SP110: variants seen among roughly 807,000 people sequenced by gnomAD.
SP110 encodes the protein interferon-induced protein 41, 30kD.
Under a neutral mutation model 92.7 loss-of-function variants are expected in SP110, and 62 were observed. The ratio of observed to expected loss-of-function variants is 0.67; its 90% CI spans 0.55 to 0.83. SP110 has a LOEUF of 0.83. Among genes scored for constraint, SP110 ranks in the 40% least tolerant of loss-of-function variants. The pLI, the probability that SP110 is intolerant of heterozygous loss-of-function variation, is 0.00. For synonymous variants in SP110, 273 were observed against 305.3 expected, an observed-to-expected ratio of 0.89 and a Z score of 1.10; for missense variants, 793 against 863.9, an observed-to-expected ratio of 0.92 and a Z score of 1.03.
At chr2:230,218,184 A>G (rs139144215) in intron 1 of SP110, among the ~76,000 whole-genome samples, 57 of 152,364 alleles carry the variant, frequency 3.7e-4, no homozygotes, top group African/African-American at 1.3e-3. Flanking sequence ...TTTTTAACAA[A>G]CAGAACAAAC....
At chr2:230,210,703 T>C (rs558769744) in intron 6 of SP110, among the ~76,000 whole-genome samples, 10 of 152,208 alleles carry the variant, frequency 6.6e-5, no homozygotes, top group Non-Finnish European at 1.5e-4. Context: ...CCATAACAAA[T>C]AAAGGCTCAT....
chr2:230,173,038 T>A (rs2078490894), intron 14 of SP110, 79 bp from the exon 15 acceptor site: 1 of 970,202 alleles, frequency 1.0e-6, no homozygotes, highest in Non-Finnish European at 1.6e-6. Context: ...CTAGAACACA[T>A]CATTTTTGTG....
At position 230,211,967 on chromosome 2, in the gene SP110, C is replaced by T. The variant is rs1283150554; in HGVS notation, c.667+380G>A. Among the ~76,000 whole-genome samples the T allele has an allele frequency of 6.6e-6, 1 of 152,136 alleles. No individual in the cohort carries two copies. The highest frequency in any genetic ancestry group is 2.4e-5 in the African/African-American group (1 of 41,416). ...AGGACAAGTGATACAATTTGAGAAG[C>T]TAAATATTAGGTCTAGCAGACCTTT... On this transcript the variant is annotated intron_variant, in intron 5 of 18. Coordinates refer to ENST00000258381, the MANE Select transcript of SP110 (RefSeq NM_080424.4). This position sits in a 1 kb window ranked among gnomAD's most constrained non-coding sequence, Gnocchi z 4.2.
At chr2:230,174,150 T>A (rs541089858) in intron 14 of SP110, 1 of 152,146 alleles carries the variant, frequency 6.6e-6, no homozygotes, top group Non-Finnish European at 1.5e-5. Context: ...TATGGGCCAC[T>A]GCCCCAGGCA....
intron 10 of SP110, chr2:230,200,616 G>A: frequency 2.0e-6 from 1 of 506,126 alleles, no homozygotes; most frequent in Non-Finnish European, 3.6e-6. Context: ...GCTGCCAGTA[G>A]TGGAAAAACT....
At position 230,172,639 on chromosome 2, in the gene SP110, T is replaced by C. The variant is rs2278198; in HGVS notation, c.1706+205A>G. 4.2e-3 allele frequency: 2,466 copies of C among 584,402 alleles called. 61 individuals carry two copies. In the East Asian group the frequency reaches 0.054, roughly 13 times the overall value. 36.2% of individuals were successfully genotyped at this position (584,402 alleles called of 1,614,324 possible). On this transcript the variant is annotated intron_variant, in intron 15 of 18. Coordinates refer to ENST00000258381, the MANE Select transcript of SP110 (RefSeq NM_080424.4). Reference sequence around the variant, plus strand: ...ACAGGAGTCCCTGCTGTCCAGGGAATAGCATACTAGGAAAGGGCACTTCCA... The same window carrying C: ...ACAGGAGTCCCTGCTGTCCAGGGAACAGCATACTAGGAAAGGGCACTTCCA...
At chr2:230,193,407 C>A (rs913869339) in intron 10 of SP110, among the ~76,000 whole-genome samples, 1 of 152,138 alleles carries the variant, frequency 6.6e-6, no homozygotes, top group Non-Finnish European at 1.5e-5. Context: ...TAATTGTTAC[C>A]TACATACGTT....
At chr2:230,196,534 TC>T (rs150242966) in intron 10 of SP110, among the ~76,000 whole-genome samples, 33,054 of 151,460 alleles carry the variant, frequency 0.22, 4,412 homozygotes, top group East Asian at 0.57. Context: ...TTTATAATTT[TC>T]TTTTTTTTAA....
At chr2:230,182,018 G>A (rs56301614) in intron 12 of SP110, among the ~76,000 whole-genome samples, 16,709 of 152,246 alleles carry the variant, frequency 0.11, 1,023 homozygotes, top group South Asian at 0.25. Context: ...TATGTTCACC[G>A]CAGCACTATT....
At chr2:230,170,829 T>C in intron 17 of SP110, 68 bp from the exon 18 acceptor site, 2 of 1,509,960 alleles carry the variant, frequency 1.3e-6, no homozygotes, top group South Asian at 2.3e-5. Flanking sequence ...CCAACTTAAA[T>C]ACAATCCAAG....
In SP110 at chr2:230,167,105, CTTT is replaced by C. The variant is rs34396036; in HGVS notation, c.*2016_*2018del. On this transcript the variant is annotated 3_prime_UTR_variant, in exon 19 of 19. Coordinates refer to ENST00000258381, the MANE Select transcript of SP110 (RefSeq NM_080424.4). Reference sequence around the variant, plus strand: ...GAGCCTATTTCTTTTGTTTTCTTTCCTTTTTTTTTTTTTTTTTTTGAGGCAGGG... The same window carrying C: ...GAGCCTATTTCTTTTGTTTTCTTTCCTTTTTTTTTTTTTTTTGAGGCAGGG... The C allele has an allele frequency of 2.8e-4, 33 of 119,196 alleles. No homozygotes were observed. The highest frequency in any genetic ancestry group is 5.6e-4 in the Admixed American group (6 of 10,622). The allele number at this position is 119,196 out of a possible 1,614,324, so 7.4% of individuals were successfully genotyped here. A position where few individuals can be genotyped will look rare whatever the true frequency, so the allele number is the denominator to read the frequency against.
chr2:230,203,135 AG>A (rs1204437413), intron 8 of SP110: 1 of 227,364 alleles, frequency 4.4e-6, no homozygotes, highest in Non-Finnish European at 8.8e-6. Flanking sequence ...GATTTCCAAA[AG>A]TTTCTAGGTG....
chr2:230,204,411 G>A (rs2043527135), intron 8 of SP110, among the ~76,000 whole-genome samples: 1 of 152,286 alleles, frequency 6.6e-6, no homozygotes, highest in South Asian at 2.1e-4. Context: ...ACGTATGTCT[G>A]CCCTAAATAT....
At chr2:230,221,410 T>TA (rs1331182436), upstream of SP110, among the ~76,000 whole-genome samples, 4 of 152,216 alleles carry the variant, frequency 2.6e-5, no homozygotes, top group Non-Finnish European at 5.9e-5. Context: ...GACATGGATC[T>TA]AAAGTTTAAG....
chr2:230,218,023 A>G (rs1411338930), intron 1 of SP110, among the ~76,000 whole-genome samples: 1 of 152,232 alleles, frequency 6.6e-6, no homozygotes, highest in Non-Finnish European at 1.5e-5. Context: ...GCCTTTTCCC[A>G]TGCCCATGCA....
intron 3 of SP110, 87 bp downstream of exon 3, chr2:230,214,863 G>C: frequency 6.4e-6 from 7 of 1,094,768 alleles, no homozygotes; most frequent in Non-Finnish European, 9.9e-6. Context: ...GGGGATTAAC[G>C]TGCATATTCC....
intron 8 of SP110, chr2:230,203,259 G>T (rs191829725): frequency 8.6e-5 from 15 of 173,666 alleles, no homozygotes; most frequent in Admixed American, 7.6e-4. Flanking sequence ...CAGAGGAGGT[G>T]CAATGCCAGA....
chr2:230,169,059 G>T lies in SP110; in HGVS notation c.*65C>A, dbSNP rs201363371. 2.7e-6 allele frequency: 3 copies of T among 1,105,038 alleles called. No individual in the cohort carries two copies. Among genetic ancestry groups the T allele is most frequent in the East Asian group, 4.7e-5 (2 of 42,512 alleles). The allele number at this position is 1,105,038 out of a possible 1,614,324, so 68.5% of individuals were successfully genotyped here. A position where few individuals can be genotyped will look rare whatever the true frequency, so the allele number is the denominator to read the frequency against. On this transcript the variant is annotated 3_prime_UTR_variant, in exon 19 of 19. Coordinates refer to ENST00000258381, the MANE Select transcript of SP110 (RefSeq NM_080424.4). ...ATCCCAGACTCACTGGCAATCAACA[G>T]TCCAAGCCAGGGTCCCATCAGCTGA...
intron 2 of SP110, among the ~76,000 whole-genome samples, chr2:230,216,163 G>C (rs561243836): frequency 6.6e-6 from 1 of 152,204 alleles, no homozygotes; most frequent in Non-Finnish European, 1.5e-5. Context: ...TGCCTGTAGT[G>C]AGTTGAATGT....
Sources: allele counts gnomAD v4.1 joint callset (sites outside exome capture counted in the v4.1 genomes callset), GRCh38; gene constraint gnomAD v4.1.1; non-coding constraint Gnocchi (gnomAD v3.1); transcripts MANE v1.5; gene names NCBI Gene and HGNC (gene_info 2026-07-23, HGNC 2026-07-21).